The following LUZP2 variants were observed in gnomAD, a reference collection of about 807,000 sequenced individuals.
The protein encoded by LUZP2 is leucine zipper protein 2.
A neutral mutation model predicts 51.6 loss-of-function variants in LUZP2; 52 were observed. That is an observed-to-expected ratio of 1.01 (90% CI 0.81 to 1.27). The LOEUF (loss-of-function observed/expected upper bound fraction) is 1.27, where lower values mean the gene tolerates loss of function less well. LUZP2 is among the 50% of genes most tolerant of loss of function. The pLI, the probability that LUZP2 is intolerant of heterozygous loss-of-function variation, is 0.00. For missense variants in LUZP2, 436 were observed against 395.4 expected (o/e 1.10, Z -0.87); for synonymous variants, 154 against 137.3 (o/e 1.12, Z -0.85).
At chr11:24,948,866 T>C (rs1021123612) in intron 7 of LUZP2, among the ~76,000 whole-genome samples, 3 of 148,694 alleles carry the variant, frequency 2.0e-5, no homozygotes, top group Admixed American at 6.7e-5. Context: ...TATCTATCTA[T>C]CTACCTATCC....
chr11:24,967,568 T>C (rs530614581), intron 7 of LUZP2, among the ~76,000 whole-genome samples: 2 of 152,068 alleles, frequency 1.3e-5, no homozygotes, highest in South Asian at 4.1e-4. Context: ...TTCATGTTTC[T>C]TCAAACTTTT....
intron 1 of LUZP2, among the ~76,000 whole-genome samples, chr11:24,554,149 G>T (rs1851799866): frequency 6.6e-6 from 1 of 152,150 alleles, no homozygotes; most frequent in African/African-American, 2.4e-5. Context: ...GATGTGAAAA[G>T]CATAATTTGA....
chr11:24,957,159 C>T (rs894051221), intron 7 of LUZP2, among the ~76,000 whole-genome samples: 1 of 152,062 alleles, frequency 6.6e-6, no homozygotes, highest in Admixed American at 6.6e-5. Context: ...TGTTTGGAGT[C>T]AGAAAAATGC....
At chr11:24,591,165 T>C in intron 1 of LUZP2, among the ~76,000 whole-genome samples, 1 of 152,194 alleles carries the variant, frequency 6.6e-6, no homozygotes, top group Middle Eastern at 3.2e-3. Context: ...TCCTTAGTTC[T>C]TCATAATTGT....
At chr11:24,824,943 A>C (rs1405439788) in intron 5 of LUZP2, among the ~76,000 whole-genome samples, 1 of 152,140 alleles carries the variant, frequency 6.6e-6, no homozygotes, top group African/African-American at 2.4e-5. Context: ...TTGTTAATGA[A>C]ACTATAGGCT....
chr11:24,641,541 G>A (rs948355851), intron 1 of LUZP2, among the ~76,000 whole-genome samples: 3 of 151,742 alleles, frequency 2.0e-5, no homozygotes, highest in Admixed American at 6.6e-5. Context: ...ATTTAGAAAG[G>A]TACCTCATCT....
intron 5 of LUZP2, among the ~76,000 whole-genome samples, chr11:24,777,190 T>G (rs1000981841): frequency 6.6e-6 from 1 of 152,014 alleles, no homozygotes; most frequent in Admixed American, 6.6e-5. Flanking sequence ...ATTCGGGGTT[T>G]CACCGTGTTA....
chr11:25,013,015 A>G (rs1466222450), intron 9 of LUZP2, among the ~76,000 whole-genome samples: 2 of 152,222 alleles, frequency 1.3e-5, no homozygotes, highest in African/African-American at 2.4e-5. Context: ...TGTACTAGGT[A>G]TACCCAAATG....
At chr11:24,922,385 C>T (rs1317457641) in intron 7 of LUZP2, among the ~76,000 whole-genome samples, 1 of 152,110 alleles carries the variant, frequency 6.6e-6, no homozygotes, top group Non-Finnish European at 1.5e-5. Context: ...AGATTATTTC[C>T]TGATGATTCC....
intron 1 of LUZP2, among the ~76,000 whole-genome samples, chr11:24,553,638 G>A (rs192360898): frequency 6.6e-6 from 1 of 152,022 alleles, no homozygotes. Context: ...AAATAGGACC[G>A]TTCTCTCTTC....
chr11:24,995,943 A>T (rs548651275), intron 9 of LUZP2, among the ~76,000 whole-genome samples: 1 of 151,784 alleles, frequency 6.6e-6, no homozygotes, highest in African/African-American at 2.4e-5. Context: ...TACATTACTT[A>T]TTATTTAAAA....
Position 24,891,606 on chromosome 11 carries a change from A to G in LUZP2, c.397-14385A>G, listed in dbSNP as rs531089725. On this transcript the variant is annotated intron_variant, in intron 5 of 11. Coordinates refer to ENST00000336930, the MANE Select transcript of LUZP2 (RefSeq NM_001009909.4). ...AAGAAGTTCCAGACTAATAAAGGTGACGGGCTTCCCTCTTTGATAAGTCCT... is the reference window on the plus strand; with the variant it reads ...AAGAAGTTCCAGACTAATAAAGGTGGCGGGCTTCCCTCTTTGATAAGTCCT... 157 of 791,356 alleles carry G rather than the reference A, an allele frequency of 2.0e-4. No homozygotes were observed. In the African/African-American group the frequency reaches 2.8e-3, roughly 14 times the overall value. 49.0% of individuals were successfully genotyped at this position (791,356 alleles called of 1,614,324 possible).
intron 5 of LUZP2, among the ~76,000 whole-genome samples, chr11:24,771,003 A>G (rs75874990): frequency 0.08 from 12,216 of 152,162 alleles, 1,067 homozygotes; most frequent in African/African-American, 0.22. Context: ...CATTTAGCCT[A>G]TTTTCTCAAG....
chr11:24,963,485 C>A (rs961342631), intron 7 of LUZP2, among the ~76,000 whole-genome samples: 3 of 152,214 alleles, frequency 2.0e-5, no homozygotes, highest in African/African-American at 4.8e-5. Flanking sequence ...GCCCCTCCCC[C>A]AGCCCCGCTG....
At chr11:24,757,127 T>C (rs1198749412) in intron 4 of LUZP2, among the ~76,000 whole-genome samples, 1 of 152,182 alleles carries the variant, frequency 6.6e-6, no homozygotes, top group East Asian at 1.9e-4. Flanking sequence ...AACATGTGTT[T>C]GTGTGTATAT....
In LUZP2 at chr11:24,790,702, G is replaced by A. The variant is rs1483124729; in HGVS notation, c.396+27394G>A. ...TTTTTAGTAGAGTCGGGGTTTCACC[G>A]TGTTGGCTAGGTTAGTCTCGTACTC... On this transcript the variant is annotated intron_variant, in intron 5 of 11. Coordinates refer to ENST00000336930, the MANE Select transcript of LUZP2 (RefSeq NM_001009909.4). Among the ~76,000 whole-genome samples the A allele has an allele frequency of 4.6e-5, 7 of 151,972 alleles. No homozygotes were observed. In the South Asian group the frequency reaches 6.2e-4, roughly 14 times the overall value.
chr11:24,581,670 AAAATATAAATATAAATATAAATAT>A (rs11267210), intron 1 of LUZP2, among the ~76,000 whole-genome samples: 19,666 of 137,008 alleles, frequency 0.14, 1,559 homozygotes, highest in Middle Eastern at 0.3. Context: ...GACTCTGTCT[AAAATATAAATATAAATATAAATAT>A]AAATATAAAT....
chr11:24,752,615 A>G (rs991380570), intron 4 of LUZP2, among the ~76,000 whole-genome samples: 6 of 152,184 alleles, frequency 3.9e-5, no homozygotes, highest in Non-Finnish European at 5.9e-5. Context: ...TACATAACCA[A>G]GACTATTATA....
chr11:25,030,668 A>G (rs994944732), intron 9 of LUZP2, among the ~76,000 whole-genome samples: 10 of 151,406 alleles, frequency 6.6e-5, no homozygotes, highest in Admixed American at 6.0e-4. Context: ...TCTTAATTAC[A>G]TAAGAGATAA....
Sources: gnomAD v4.1 joint callset for allele counts (sites outside exome capture counted in the v4.1 genomes callset) on GRCh38, gnomAD v4.1.1 for gene constraint, MANE v1.5 for transcripts, NCBI Gene and HGNC (gene_info 2026-07-23, HGNC 2026-07-21) for gene names.